STK32C: variants seen among roughly 807,000 people sequenced by gnomAD.
STK32C encodes the protein serine/threonine kinase 32C, also known as serine/threonine-protein kinase 32C.
Under a neutral mutation model 56.5 loss-of-function variants are expected in STK32C, and 31 were observed. The ratio of observed to expected loss-of-function variants is 0.55; its 90% CI spans 0.41 to 0.74. The LOEUF is 0.74. Among genes scored for constraint, STK32C ranks in the 30% least tolerant of loss-of-function variants. The pLI is 0.00. For synonymous variants in STK32C, 309 were observed against 289.4 expected (o/e 1.07, Z -0.69); for missense variants, 544 against 676.9 (o/e 0.80, Z 2.18).
At chr10:132,225,640 G>A in intron 5 of STK32C, 24 bp from the exon 6 acceptor site, 2 of 1,607,992 alleles carry the variant, frequency 1.2e-6, no homozygotes, top group Non-Finnish European at 1.7e-6. Context: ...GGTCAGGTGT[G>A]GCTGTCCCAG....
chr10:132,276,327 C>A (rs1033806646), intron 1 of STK32C, among the ~76,000 whole-genome samples: 1 of 152,220 alleles, frequency 6.6e-6, no homozygotes, highest in South Asian at 2.1e-4. Context: ...CTACAGACAC[C>A]AGCCATCCCA....
intron 10 of STK32C, among the ~76,000 whole-genome samples, chr10:132,216,982 C>T (rs1229613409): frequency 8.4e-6 from 1 of 118,742 alleles, no homozygotes; most frequent in Admixed American, 9.7e-5. Flanking sequence ...GTTGGTGCCC[C>T]TATACAAAGT....
chr10:132,232,412 T>C lies in STK32C; in HGVS notation c.319-4284A>G, dbSNP rs753738362. ...TGATGCAGGAGGCTCCAACGAGCGGTGGCGTAAAGCCCTGGGTTTGGTGCA... is the reference window on the plus strand; with the variant it reads ...TGATGCAGGAGGCTCCAACGAGCGGCGGCGTAAAGCCCTGGGTTTGGTGCA... On this transcript the variant is annotated intron_variant, in intron 2 of 11. Coordinates refer to ENST00000298630, the MANE Select transcript of STK32C (RefSeq NM_173575.4). Among the ~76,000 whole-genome samples the C allele has an allele frequency of 3.3e-5, 5 of 152,144 alleles. No individual in the cohort carries two copies. In the East Asian group the frequency reaches 7.7e-4, roughly 24 times the overall value.
chr10:132,250,697 G>C (rs2063872624), intron 1 of STK32C, among the ~76,000 whole-genome samples: 1 of 152,228 alleles, frequency 6.6e-6, no homozygotes, highest in African/African-American at 2.4e-5. Context: ...GAGGTGCCCG[G>C]GACAGGTCAT....
At chr10:132,271,934 G>A (rs947571488) in intron 1 of STK32C, among the ~76,000 whole-genome samples, 17 of 152,224 alleles carry the variant, frequency 1.1e-4, no homozygotes, top group East Asian at 3.9e-4. Flanking sequence ...CCGGACGCCC[G>A]GACCTCCTCA....
At chr10:132,211,292 G>A (rs2062291046) in intron 10 of STK32C, among the ~76,000 whole-genome samples, 1 of 152,206 alleles carries the variant, frequency 6.6e-6, no homozygotes, top group Non-Finnish European at 1.5e-5. Context: ...CTGAGCCGCT[G>A]GGATCCTGCG....
At chr10:132,275,190 G>A (rs2064958981) in intron 1 of STK32C, among the ~76,000 whole-genome samples, 1 of 152,224 alleles carries the variant, frequency 6.6e-6, no homozygotes, top group Non-Finnish European at 1.5e-5. Flanking sequence ...GGGAGGTCCG[G>A]CATCCCCGTA....
upstream of STK32C, among the ~76,000 whole-genome samples, chr10:132,310,391 T>C (rs2066197643): frequency 6.6e-6 from 1 of 152,228 alleles, no homozygotes; most frequent in African/African-American, 2.4e-5. The surrounding 1 kb of genome is among the most constrained non-coding windows in gnomAD (Gnocchi z 4.6). Context: ...TCTTGTACTG[T>C]CCAGCCACGG....
downstream of STK32C, among the ~76,000 whole-genome samples, chr10:132,320,887 C>T (rs1268407357): frequency 6.6e-6 from 1 of 152,230 alleles, no homozygotes; most frequent in African/African-American, 2.4e-5. Context: ...ATCTGGGTGT[C>T]CTCACCCTCT....
At chr10:132,212,368 C>T (rs537322215) in intron 10 of STK32C, among the ~76,000 whole-genome samples, 2 of 152,264 alleles carry the variant, frequency 1.3e-5, no homozygotes, top group East Asian at 3.9e-4. Flanking sequence ...AGATATCCAC[C>T]GATGAGAGAA....
chr10:132,218,967 A>C (rs1243352756), intron 10 of STK32C, among the ~76,000 whole-genome samples: 1 of 152,170 alleles, frequency 6.6e-6, no homozygotes, highest in African/African-American at 2.4e-5. Context: ...ATAGTGTGTA[A>C]CTCCACTTCC....
At chr10:132,313,004 C>T (rs74530235) in intron 1 of STK32C, among the ~76,000 whole-genome samples, 5 of 152,216 alleles carry the variant, frequency 3.3e-5, no homozygotes, top group African/African-American at 9.6e-5. Flanking sequence ...CACGCCACTG[C>T]ACTCCAGCCT....
chr10:132,289,730 GGGGTC>G (rs2065510548), intron 1 of STK32C, among the ~76,000 whole-genome samples: 1 of 152,176 alleles, frequency 6.6e-6, no homozygotes, highest in South Asian at 2.1e-4. Context: ...AGAGCCCTCT[GGGGTC>G]CCTTGTTATA....
At chr10:132,250,341 G>A (rs113357380) in intron 1 of STK32C, among the ~76,000 whole-genome samples, 6 of 136,420 alleles carry the variant, frequency 4.4e-5, no homozygotes, top group East Asian at 2.3e-4. Flanking sequence ...TGAGGCGCAC[G>A]GGACAGGTCA....
chr10:132,214,252 T>A (rs950754398), intron 10 of STK32C, among the ~76,000 whole-genome samples: 11 of 143,452 alleles, frequency 7.7e-5, no homozygotes, highest in Non-Finnish European at 1.5e-4. Context: ...ACAGAGAAAA[T>A]CTTGAAATGA....
In STK32C at chr10:132,228,040, C is replaced by T. The variant is rs775483204; in HGVS notation, c.407G>A (p.Arg136His). The part of the protein sequence containing the change: ...KQQCIERDEV[R>H]NVFRELEILQ... ...GATCTCCAGCTCCCGGAAGACGTTGCGGACCTCGTCGCGCTCGATGCACTG... is the reference window on the plus strand; with the variant it reads ...GATCTCCAGCTCCCGGAAGACGTTGTGGACCTCGTCGCGCTCGATGCACTG... The change falls in exon 3 of 12, where the codon CGC becomes CAC. Residue 136 changes from arginine (R) to histidine (H), a missense_variant. Physicochemically the swap from Arg to His is conservative, Grantham distance 29. This residue lies in a region of STK32C where 182 missense variants were observed against 217.7 expected (regional missense o/e 0.84). Coordinates refer to ENST00000298630, the MANE Select transcript of STK32C (RefSeq NM_173575.4). The T allele has an allele frequency of 5.6e-6, 9 of 1,613,826 alleles. No individual in the cohort carries two copies. The highest frequency in any genetic ancestry group is 3.3e-5 in the Admixed American group (2 of 60,006).
intron 1 of STK32C, among the ~76,000 whole-genome samples, chr10:132,273,867 G>A (rs1243828134): frequency 9.0e-6 from 1 of 110,916 alleles, no homozygotes; most frequent in Admixed American, 8.5e-5. Flanking sequence ...GAATGAATGA[G>A]AGTGGATCTA....
At chr10:132,221,903 AAG>A (rs2062679393) in intron 10 of STK32C, among the ~76,000 whole-genome samples, 1 of 70,796 alleles carries the variant, frequency 1.4e-5, no homozygotes, top group Non-Finnish European at 3.0e-5. Context: ...GCACCTGGGC[AAG>A]TGTGAGGGCT....
intron 1 of STK32C, among the ~76,000 whole-genome samples, chr10:132,303,147 C>A (rs979714820): frequency 9.2e-5 from 14 of 152,158 alleles, no homozygotes; most frequent in African/African-American, 3.4e-4. Flanking sequence ...TGGGGCTCTG[C>A]GGTGAGGGGC....
Sources: gnomAD v4.1 joint callset for allele counts (sites outside exome capture counted in the v4.1 genomes callset) on GRCh38, gnomAD v4.1.1 for gene constraint, gnomAD v4.1.1 regional missense constraint, Gnocchi (gnomAD v3.1) non-coding constraint, MANE v1.5 for transcripts, NCBI Gene and HGNC (gene_info 2026-07-23, HGNC 2026-07-21) for gene names.